Variants in PECAM1 observed in about 807,000 individuals in gnomAD.
The protein encoded by PECAM1 is platelet endothelial cell adhesion molecule.
In PECAM1, 8 loss-of-function variants were observed where a neutral mutation model predicts 13.8. The observed-to-expected ratio is 0.58, with a 90% CI of 0.34 to 1.05. The LOEUF is 1.05. PECAM1 is among the 50% of genes least tolerant of loss of function. The probability of loss-of-function intolerance (pLI) is 0.03; values close to 1 mark genes in which losing one functional copy is unlikely to be tolerated. For missense variants in PECAM1, 304 were observed against 141.2 expected, an observed-to-expected ratio of 2.15 and a Z score of -5.84; for synonymous variants, 136 against 52.6, an observed-to-expected ratio of 2.58 and a Z score of -6.86.
At chr17:64,341,289 A>C (rs1179569972) in intron 14 of PECAM1, among the ~76,000 whole-genome samples, 2 of 152,000 alleles carry the variant, frequency 1.3e-5, no homozygotes, top group Non-Finnish European at 2.9e-5. Context: ...GAAAAAAGAA[A>C]ACAAGAAGAA....
chr17:64,356,439 C>T (rs2035847869), intron 7 of PECAM1, 41 bp from the exon 8 acceptor site: 3 of 435,844 alleles, frequency 6.9e-6, no homozygotes, highest in Non-Finnish European at 8.3e-6. Flanking sequence ...CAAAGAAGGG[C>T]AGAGGAAGAG....
At chr17:64,386,952 A>G (rs1348762660) in intron 2 of PECAM1, among the ~76,000 whole-genome samples, 1 of 151,646 alleles carries the variant, frequency 6.6e-6, no homozygotes, top group Non-Finnish European at 1.5e-5. Context: ...AACTTAGGGG[A>G]GGAGGGGGGA....
chr17:64,351,954 T>G (rs1032450264), intron 11 of PECAM1, among the ~76,000 whole-genome samples: 1 of 152,236 alleles, frequency 6.6e-6, no homozygotes, highest in Non-Finnish European at 1.5e-5. Flanking sequence ...ATTTATGCCT[T>G]TACTGAGAGA....
chr17:64,378,177 G>A (rs1226423440), intron 2 of PECAM1, 60 bp from the exon 3 acceptor site: 10 of 438,160 alleles, frequency 2.3e-5, no homozygotes, highest in African/African-American at 2.0e-4. Flanking sequence ...CATCATCCCG[G>A]TGACCTTCAC....
At chr17:64,343,270 C>T (rs1466312717) in intron 13 of PECAM1, among the ~76,000 whole-genome samples, 1 of 151,968 alleles carries the variant, frequency 6.6e-6, no homozygotes, top group Non-Finnish European at 1.5e-5. Flanking sequence ...CACTTCCTGG[C>T]CCCACACACA....
intron 2 of PECAM1, among the ~76,000 whole-genome samples, chr17:64,388,810 G>A (rs1198787718): frequency 6.6e-6 from 1 of 152,158 alleles, no homozygotes; most frequent in Non-Finnish European, 1.5e-5. Context: ...GGGATTACAG[G>A]CATGTGCCAC....
chr17:64,345,734 TGAG>T (rs1215924122), intron 13 of PECAM1, among the ~76,000 whole-genome samples: 1 of 125,860 alleles, frequency 7.9e-6, no homozygotes, highest in Non-Finnish European at 1.7e-5. Flanking sequence ...AAAAAAAAAA[TGAG>T]GAAGAGAGCT....
intron 3 of PECAM1, among the ~76,000 whole-genome samples, chr17:64,377,231 T>C (rs9889982): frequency 0.04 from 6,010 of 152,116 alleles, 407 homozygotes; most frequent in African/African-American, 0.14. Flanking sequence ...ACAAATACCA[T>C]TGAATGTAGA....
chr17:64,350,554 C>T (rs1034096277), intron 11 of PECAM1, 121 bp from the exon 12 acceptor site: 11 of 405,374 alleles, frequency 2.7e-5, no homozygotes, highest in South Asian at 2.8e-4. Flanking sequence ...TGACAACCAG[C>T]ACTGTCTCTG....
chr17:64,326,156 A>AG (rs1368299595), intron 15 of PECAM1, among the ~76,000 whole-genome samples: 1 of 152,130 alleles, frequency 6.6e-6, no homozygotes, highest in Non-Finnish European at 1.5e-5. Context: ...ACCAGAGTAG[A>AG]GGGGGGCCCT....
intron 13 of PECAM1, among the ~76,000 whole-genome samples, chr17:64,347,740 A>T (rs1023106986): frequency 5.5e-5 from 8 of 144,916 alleles, no homozygotes; most frequent in Non-Finnish European, 9.0e-5. Flanking sequence ...ATATATATAT[A>T]TATTTTTTGA....
chr17:64,364,136 G>A (rs1464046343), intron 5 of PECAM1, among the ~76,000 whole-genome samples: 4 of 152,088 alleles, frequency 2.6e-5, no homozygotes, highest in Non-Finnish European at 4.4e-5. Flanking sequence ...AAATGATAAA[G>A]GGGATATCAT....
intron 4 of PECAM1, 83 bp from the exon 5 acceptor site, chr17:64,370,108 C>T: frequency 2.5e-6 from 1 of 398,104 alleles, no homozygotes; most frequent in East Asian, 3.6e-5. Context: ...TGCTGCTTCC[C>T]CTTTTCAAAC....
intron 2 of PECAM1, 41 bp downstream of exon 2, chr17:64,390,448 C>CCAGGTAGAAACATCTGTTA (rs1370425868): frequency 6.4e-6 from 3 of 467,940 alleles, no homozygotes; most frequent in Non-Finnish European, 1.2e-5. Context: ...AAGGAGGAAG[C>CCAGGTAGAAACATCTGTTA]CAGGTAGAAA....
At chr17:64,355,999 C>A (rs1443689839) in intron 8 of PECAM1, 112 bp downstream of exon 8, 8 of 462,308 alleles carry the variant, frequency 1.7e-5, no homozygotes, top group Non-Finnish European at 3.1e-5. Flanking sequence ...ACTCTCCTAG[C>A]CTTCAGTCAC....
In PECAM1 at chr17:64,321,313, A is replaced by C. The variant is rs1598264659; in HGVS notation, c.*2503T>G. The C allele has an allele frequency of 3.2e-5, 14 of 439,096 alleles. No homozygotes were observed. The highest frequency in any genetic ancestry group is 3.9e-5 in the Non-Finnish European group (13 of 330,868). The allele number at this position is 439,096 out of a possible 1,614,324, so 27.2% of individuals were successfully genotyped here. A position where few individuals can be genotyped will look rare whatever the true frequency, so the allele number is the denominator to read the frequency against. Reference sequence around the variant, plus strand: ...CTCCTGGGATGCTTCAGGTTTAGACACCGGGGTTACGGCAGCTGCCGAGGA... The same window carrying C: ...CTCCTGGGATGCTTCAGGTTTAGACCCCGGGGTTACGGCAGCTGCCGAGGA... On this transcript the variant is annotated 3_prime_UTR_variant, in exon 16 of 16. Coordinates refer to ENST00000563924, the MANE Select transcript of PECAM1 (RefSeq NM_000442.5).
chr17:64,342,659 G>A lies in PECAM1; in HGVS notation c.2108-969C>T, dbSNP rs1007379268. 9.5e-4 allele frequency among the ~76,000 whole-genome samples: 144 copies of A among 152,154 alleles called. 1 individual carries two copies. The highest frequency in any genetic ancestry group is 3.3e-3 in the African/African-American group (137 of 41,510). ...GGGGCCCTAATATGCAGACAGGGCT[G>A]AGATCCTCTGGGCTAGACCCTCTCA... On this transcript the variant is annotated intron_variant, in intron 13 of 15. Transcript: ENST00000563924.
intron 14 of PECAM1, among the ~76,000 whole-genome samples, chr17:64,335,710 C>T (rs1400001994): frequency 2.0e-5 from 3 of 152,192 alleles, no homozygotes; most frequent in Non-Finnish European, 4.4e-5. Flanking sequence ...CCCCCATCAA[C>T]TGTTAGATGA....
At chr17:64,336,728 C>T (rs1473958780) in intron 14 of PECAM1, among the ~76,000 whole-genome samples, 5 of 151,956 alleles carry the variant, frequency 3.3e-5, no homozygotes, top group African/African-American at 4.8e-5. Flanking sequence ...CATGGTGGTG[C>T]GTGCCTGTAA....
Sources: allele counts gnomAD v4.1 joint callset (sites outside exome capture counted in the v4.1 genomes callset), GRCh38; gene constraint gnomAD v4.1.1; transcripts MANE v1.5; gene names NCBI Gene and HGNC (gene_info 2026-07-23, HGNC 2026-07-21).